Variants in ARL10 observed in about 807,000 individuals in gnomAD.
ARL10 encodes the protein ADP-ribosylation factor-like protein 10.
In ARL10, 23 loss-of-function variants were observed where a neutral mutation model predicts 26.1. The observed-to-expected ratio is 0.88, with a 90% CI of 0.63 to 1.25. The LOEUF (loss-of-function observed/expected upper bound fraction) is 1.25. Among genes scored for constraint, ARL10 ranks in the 50% most tolerant of loss-of-function variants. The pLI is 0.00. For synonymous variants in ARL10, 138 were observed against 149.1 expected (o/e 0.93, Z 0.54); for missense variants, 300 against 323.6 (o/e 0.93, Z 0.56).
chr5:176,368,980 CAGGTG>C lies in ARL10; in HGVS notation c.561+2_561+6del. 2 of 1,613,730 alleles carry C rather than the reference CAGGTG, an allele frequency of 1.2e-6. No individual in the cohort carries two copies. The highest frequency in any genetic ancestry group is 1.7e-6 in the Non-Finnish European group (2 of 1,179,938). On this transcript the variant is annotated splice_donor_variant and splice_donor_region_variant and coding_sequence_variant and intron_variant, in exon 3 of 4. Transcript: ENST00000310389. LOFTEE classifies it high-confidence loss of function. This position sits in a 1 kb window ranked among gnomAD's most constrained non-coding sequence, Gnocchi z 4.1. Reference sequence around the variant, plus strand: ...GCCTGTCGTCGTGGTGGCCAACAAGCAGGTGAGGGCTGTGAGAGGGCAGCTCGGTC... The same window carrying C: ...GCCTGTCGTCGTGGTGGCCAACAAGCAGGGCTGTGAGAGGGCAGCTCGGTC...
chr5:176,385,220 C>T, downstream of ARL10: 1 of 1,586,392 alleles, frequency 6.3e-7, no homozygotes, highest in Admixed American at 1.7e-5. Flanking sequence ...GAGCCGCTCA[C>T]CTTATAGTCC....
At chr5:176,392,349 A>C, downstream of ARL10, 1 of 165,284 alleles carries the variant, frequency 6.1e-6, no homozygotes, top group African/African-American at 2.4e-5. The surrounding 1 kb of genome is among the most constrained non-coding windows in gnomAD (Gnocchi z 5.2). Flanking sequence ...AGACATGGAG[A>C]GCTTGGGGCT....
intron 1 of ARL10, among the ~76,000 whole-genome samples, chr5:176,399,512 C>A (rs1290490549): frequency 6.6e-6 from 1 of 152,110 alleles, no homozygotes; most frequent in Non-Finnish European, 1.5e-5. Context: ...GAGGCCAAGG[C>A]AGGAGGATCA....
chr5:176,366,690 CTACGAATCCTTCCCACCGCTCTCCG>C, intron 2 of ARL10, 109 bp downstream of exon 2: 1 of 1,280,214 alleles, frequency 7.8e-7, no homozygotes, highest in Non-Finnish European at 1.1e-6. Context: ...ACATTCCCCT[CTACGAATCCTTCCCACCGCTCTCCG>C]GGGCACAGGA....
intron 1 of ARL10, 117 bp from the exon 2 acceptor site, chr5:176,366,259 ATGCC>A (rs1768295992): frequency 8.1e-7 from 1 of 1,227,442 alleles, no homozygotes; most frequent in African/African-American, 1.5e-5. Context: ...CATCCAGACC[ATGCC>A]TGCCTGTCCC....
downstream of ARL10, chr5:176,389,841 C>T (rs1416152453): frequency 1.0e-5 from 2 of 192,822 alleles, no homozygotes; most frequent in African/African-American, 4.7e-5. Flanking sequence ...ATCGTGTAGT[C>T]TAGTGATTCC....
At chr5:176,406,096 C>T, downstream of ARL10, 1 of 954,042 alleles carries the variant, frequency 1.0e-6, no homozygotes, top group Non-Finnish European at 1.2e-6. Context: ...TGCCCCTGTC[C>T]CCACCCCTAC....
downstream of ARL10, chr5:176,384,232 C>A: frequency 6.2e-7 from 1 of 1,614,146 alleles, no homozygotes; most frequent in Non-Finnish European, 8.5e-7. Flanking sequence ...GTAAACCAGT[C>A]ACTCCACCTC....
chr5:176,406,283 G>C, downstream of ARL10: 1 of 1,054,260 alleles, frequency 9.5e-7, no homozygotes, highest in Non-Finnish European at 1.1e-6. Context: ...GGAATGGCCA[G>C]GACCAGAAGG....
chr5:176,365,653 C>T lies in ARL10; in HGVS notation c.90C>T (p.Thr30=), dbSNP rs755044890. 8.0e-7 allele frequency: 1 copy of T among 1,254,044 alleles called. No homozygotes were observed. The highest frequency in any genetic ancestry group is 1.0e-6 in the Non-Finnish European group (1 of 998,518). The allele number at this position is 1,254,044 out of a possible 1,614,324, so 77.7% of individuals were successfully genotyped here. ...LGSVLFILWK[T]YFGRGRERRW... ...CGGTGCTCTTCATCCTCTGGAAGAC[C>T]TACTTCGGCCGCGGCCGAGAGCGGC... is the stretch of plus-strand genomic sequence containing the variant. The change falls in exon 1 of 4, where the codon ACC becomes ACT. Residue 30 remains threonine (T), a synonymous_variant. Coordinates refer to ENST00000310389, the MANE Select transcript of ARL10 (RefSeq NM_173664.6).
At chr5:176,387,040 G>A (rs1490224870) in intron 1 of ARL10, 2 of 721,766 alleles carry the variant, frequency 2.8e-6, no homozygotes, top group African/African-American at 1.8e-5. Context: ...AGGTAACAAT[G>A]AGAACTAATG....
At chr5:176,397,450 G>A (rs1185755753) in intron 1 of ARL10, among the ~76,000 whole-genome samples, 4 of 59,940 alleles carry the variant, frequency 6.7e-5, no homozygotes, top group African/African-American at 2.8e-4. Flanking sequence ...CCCACAGCCC[G>A]TCTCATGTCC....
At position 176,372,693 on chromosome 5, in the gene ARL10, A is replaced by T. The variant is rs995666452; in HGVS notation, c.*798A>T. ...GAGACAAGCTGCTGCTCTCGTACTA[A>T]CTGTGCCAGTGCCCATGTTTACAGA... is the stretch of plus-strand genomic sequence containing the variant. On this transcript the variant is annotated 3_prime_UTR_variant, in exon 4 of 4. Coordinates refer to ENST00000310389, the MANE Select transcript of ARL10 (RefSeq NM_173664.6). 5.1e-6 allele frequency: 2 copies of T among 390,696 alleles called. No homozygotes were observed. The highest frequency in any genetic ancestry group is 9.0e-6 in the Non-Finnish European group (2 of 221,536). The allele number at this position is 390,696 out of a possible 1,614,324, so 24.2% of individuals were successfully genotyped here.
intron 1 of ARL10, among the ~76,000 whole-genome samples, chr5:176,366,101 C>G (rs987106724): frequency 9.2e-5 from 14 of 152,200 alleles, no homozygotes; most frequent in African/African-American, 2.9e-4. Flanking sequence ...TGCACCCCGC[C>G]CGGGGGTGGG....
chr5:176,373,888 G>A lies in ARL10; in HGVS notation c.*1993G>A, dbSNP rs985745769. 4 of 152,158 alleles carry A rather than the reference G, an allele frequency of 2.6e-5. No homozygotes were observed. The highest frequency in any genetic ancestry group is 1.9e-4 in the East Asian group (1 of 5,204). 9.4% of individuals were successfully genotyped at this position (152,158 alleles called of 1,614,324 possible). ...CAAAAAAACCTTAGACAACTTTAAC[G>A]AAGTTTAAAAAGTATGTTCTGTTTT... On this transcript the variant is annotated 3_prime_UTR_variant, in exon 4 of 4. Coordinates refer to ENST00000310389, the MANE Select transcript of ARL10 (RefSeq NM_173664.6).
chr5:176,388,785 G>C, downstream of ARL10: 1 of 1,603,312 alleles, frequency 6.2e-7, no homozygotes, highest in Non-Finnish European at 8.5e-7. Flanking sequence ...GCTGAGGTCG[G>C]AGTCCCGATT....
intron 1 of ARL10, among the ~76,000 whole-genome samples, chr5:176,366,140 G>A (rs182330320): frequency 2.6e-5 from 4 of 152,210 alleles, no homozygotes; most frequent in Non-Finnish European, 5.9e-5. Flanking sequence ...ATCCCCTCCC[G>A]CCTGCGGTCG....
chr5:176,386,560 G>A (rs533338575), downstream of ARL10: 7 of 492,710 alleles, frequency 1.4e-5, no homozygotes, highest in African/African-American at 7.7e-5. Context: ...CCATACCCAT[G>A]CCAGAGATTT....
At chr5:176,392,580 G>A (rs574259172), downstream of ARL10, 1 of 596,682 alleles carries the variant, frequency 1.7e-6, no homozygotes, top group Non-Finnish European at 3.0e-6. This position sits in a 1 kb window ranked among gnomAD's most constrained non-coding sequence, Gnocchi z 5.2. Context: ...GAGGAGGCGT[G>A]AGGGGCTGGA....
Sources: allele counts gnomAD v4.1 joint callset (sites outside exome capture counted in the v4.1 genomes callset), GRCh38; gene constraint gnomAD v4.1.1; non-coding constraint Gnocchi (gnomAD v3.1); transcripts MANE v1.5; gene names NCBI Gene and HGNC (gene_info 2026-07-23, HGNC 2026-07-21).